KCNIP3: variants seen among roughly 807,000 people sequenced by gnomAD.
The protein encoded by KCNIP3 is potassium voltage-gated channel interacting protein 3.
KCNIP3 carries 28 observed loss-of-function variants against 35.0 expected under a neutral mutation model. The ratio of observed to expected loss-of-function variants is 0.80; its 90% confidence interval spans 0.59 to 1.10. The LOEUF (loss-of-function observed/expected upper bound fraction) is 1.10. Ranked by LOEUF, KCNIP3 falls within the 50% of genes least tolerant of loss-of-function variation. The probability of loss-of-function intolerance (pLI) is 0.00; values close to 1 mark genes in which losing one functional copy is unlikely to be tolerated. For missense variants in KCNIP3, 295 were observed against 338.4 expected (o/e 0.87, Z 1.01); for synonymous variants, 134 against 133.8 (o/e 1.00, Z -0.01).
chr2:95,329,578 G>T (rs902082023), intron 2 of KCNIP3, among the ~76,000 whole-genome samples: 1 of 152,216 alleles, frequency 6.6e-6, no homozygotes, highest in Non-Finnish European at 1.5e-5. Flanking sequence ...TGCCCTGAGG[G>T]CACCTGCACC....
intron 2 of KCNIP3, among the ~76,000 whole-genome samples, chr2:95,348,502 C>G (rs1490041109): frequency 6.6e-6 from 1 of 152,214 alleles, no homozygotes; most frequent in Non-Finnish European, 1.5e-5. Context: ...CTCTCCATTG[C>G]TCTTCCCTGA....
At chr2:95,310,988 C>T (rs984703318) in intron 2 of KCNIP3, 5 of 218,326 alleles carry the variant, frequency 2.3e-5, no homozygotes, top group Non-Finnish European at 3.7e-5. Flanking sequence ...CTCAGCCCCT[C>T]CTTGGTCCTG....
chr2:95,330,302 G>T (rs1486504390), intron 2 of KCNIP3, among the ~76,000 whole-genome samples: 5 of 152,216 alleles, frequency 3.3e-5, no homozygotes, highest in African/African-American at 1.2e-4. Context: ...GGGGGTGGAG[G>T]TGAAGCCAAA....
At chr2:95,314,144 A>C (rs1229166107) in intron 2 of KCNIP3, among the ~76,000 whole-genome samples, 2 of 152,110 alleles carry the variant, frequency 1.3e-5, no homozygotes, top group Non-Finnish European at 2.9e-5. Flanking sequence ...CACCACCACC[A>C]GTGCTCCTGG....
At position 95,372,479 on chromosome 2, in the gene KCNIP3, A is replaced by G. The variant is rs76765628; in HGVS notation, c.182-1817A>G. Reference sequence around the variant, plus strand: ...TACTTAATATGACTAAGGATTCGAGATACTACAGTATGTCTATATGGTGAT... The same window carrying G: ...TACTTAATATGACTAAGGATTCGAGGTACTACAGTATGTCTATATGGTGAT... On this transcript the variant is annotated intron_variant, in intron 2 of 8. Coordinates refer to ENST00000295225, the MANE Select transcript of KCNIP3 (RefSeq NM_013434.5). Among the ~76,000 whole-genome samples the G allele has an allele frequency of 7.1e-3, 1,077 of 152,260 alleles. 7 individuals carry two copies. The highest frequency in any genetic ancestry group is 0.012 in the Non-Finnish European group (786 of 68,026).
chr2:95,301,273 G>T (rs1008168755), intron 1 of KCNIP3, among the ~76,000 whole-genome samples: 3 of 152,228 alleles, frequency 2.0e-5, no homozygotes, highest in African/African-American at 4.8e-5. Flanking sequence ...CTCAAGTCAG[G>T]GCCACTGCCA....
At chr2:95,335,986 TGTTCCTCC>T (rs1322075915) in intron 2 of KCNIP3, among the ~76,000 whole-genome samples, 1 of 152,260 alleles carries the variant, frequency 6.6e-6, no homozygotes, top group African/African-American at 2.4e-5. Flanking sequence ...TTTGTTCCTC[TGTTCCTCC>T]GTTATTATCA....
intron 1 of KCNIP3, among the ~76,000 whole-genome samples, chr2:95,305,204 C>T (rs3772042): frequency 0.77 from 117,142 of 152,164 alleles, 45,605 homozygotes; most frequent in African/African-American, 0.87. Context: ...GAGGAGAGAG[C>T]CCCAGGTGAA....
intron 1 of KCNIP3, among the ~76,000 whole-genome samples, chr2:95,304,560 A>G (rs1373017285): frequency 6.6e-6 from 1 of 152,204 alleles, no homozygotes; most frequent in Non-Finnish European, 1.5e-5. Context: ...GACTCAGAAC[A>G]GGCTGGGTTT....
chr2:95,302,299 C>T (rs1678056971), intron 1 of KCNIP3, among the ~76,000 whole-genome samples: 1 of 152,242 alleles, frequency 6.6e-6, no homozygotes, highest in African/African-American at 2.4e-5. Flanking sequence ...ACCCCCTTTG[C>T]CTTTCAGGCA....
chr2:95,347,208 C>A, intron 2 of KCNIP3: 2 of 1,238,112 alleles, frequency 1.6e-6, no homozygotes, highest in Non-Finnish European at 2.3e-6. Context: ...CGCCGGGGTG[C>A]ACTGGTCTGG....
At chr2:95,362,827 C>T (rs1679833638) in intron 2 of KCNIP3, among the ~76,000 whole-genome samples, 1 of 152,198 alleles carries the variant, frequency 6.6e-6, no homozygotes, top group African/African-American at 2.4e-5. Flanking sequence ...AGGACCCCTG[C>T]ACTAGAGTGT....
chr2:95,360,752 A>G (rs981504895), intron 2 of KCNIP3, among the ~76,000 whole-genome samples: 1 of 152,194 alleles, frequency 6.6e-6, no homozygotes, highest in African/African-American at 2.4e-5. Context: ...ACAGAGAGAG[A>G]GAGAGCGAGA....
chr2:95,326,749 C>T (rs1452792110), intron 2 of KCNIP3, among the ~76,000 whole-genome samples: 2 of 152,224 alleles, frequency 1.3e-5, no homozygotes, highest in East Asian at 3.8e-4. Flanking sequence ...CCCTGATTTC[C>T]GTTGGTCCTC....
At chr2:95,301,114 G>T (rs1321870627) in intron 1 of KCNIP3, among the ~76,000 whole-genome samples, 1 of 96,790 alleles carries the variant, frequency 1.0e-5, no homozygotes, top group African/African-American at 3.2e-5. Flanking sequence ...GGGCACTCTG[G>T]ACAGTGCTCC....
intron 2 of KCNIP3, among the ~76,000 whole-genome samples, chr2:95,315,084 A>G (rs1177271898): frequency 6.6e-6 from 1 of 152,048 alleles, no homozygotes; most frequent in African/African-American, 2.4e-5. Flanking sequence ...TCCGTGGTGA[A>G]ATGAGTCTGT....
chr2:95,350,935 TC>T (rs1324945391), intron 2 of KCNIP3, among the ~76,000 whole-genome samples: 1 of 152,142 alleles, frequency 6.6e-6, no homozygotes, highest in Admixed American at 6.5e-5. Context: ...CAGCCACTTC[TC>T]CTGAGCAGTG....
At chr2:95,307,060 C>T (rs1558757822) in intron 1 of KCNIP3, among the ~76,000 whole-genome samples, 1 of 152,222 alleles carries the variant, frequency 6.6e-6, no homozygotes, top group Non-Finnish European at 1.5e-5. Context: ...TGGCCCTCCC[C>T]TCCCTTCTCT....
At chr2:95,310,098 A>T (rs1678271412) in intron 1 of KCNIP3, 5 of 618,914 alleles carry the variant, frequency 8.1e-6, no homozygotes, top group African/African-American at 3.6e-5. Context: ...CACTGCTGAC[A>T]TCCCCTCTCT....
Sources: gnomAD v4.1 joint callset for allele counts (sites outside exome capture counted in the v4.1 genomes callset) on GRCh38, gnomAD v4.1.1 for gene constraint, MANE v1.5 for transcripts, NCBI Gene and HGNC (gene_info 2026-07-23, HGNC 2026-07-21) for gene names.